SAMD13: variants seen among roughly 807,000 people sequenced by gnomAD.
SAMD13 encodes sterile alpha motif domain containing 13.
SAMD13 carries 9 observed loss-of-function variants against 12.4 expected under a neutral mutation model. The ratio of observed to expected loss-of-function variants is 0.72; its 90% CI spans 0.44 to 1.26. SAMD13 has a LOEUF of 1.26. Ranked by LOEUF, SAMD13 falls within the 50% of genes most tolerant of loss-of-function variation. SAMD13 has a pLI of 0.00. For missense variants in SAMD13, 84 were observed against 119.6 expected (o/e 0.70, Z 1.39); for synonymous variants, 46 against 45.4 (o/e 1.01, Z -0.05).
At chr1:84,304,754 G>A (rs1375238155) in intron 2 of SAMD13, among the ~76,000 whole-genome samples, 1 of 151,844 alleles carries the variant, frequency 6.6e-6, no homozygotes, top group Admixed American at 6.6e-5. Context: ...AAATGAATGT[G>A]TATACATCCC....
At chr1:84,303,147 T>TA in intron 1 of SAMD13, 56 bp from the exon 2 acceptor site, 1 of 1,299,280 alleles carries the variant, frequency 7.7e-7, no homozygotes, top group Non-Finnish European at 1.1e-6. Context: ...TCAGAATATA[T>TA]ATTCTTCTCT....
rs113477039 is a variant in SAMD13, at chr1:84,342,888, G to A, written c.166-6743G>A. Among the ~76,000 whole-genome samples, 884 of 152,172 alleles carry A rather than the reference G, an allele frequency of 5.8e-3. 5 individuals are homozygous for A. Among genetic ancestry groups the A allele is most frequent in the African/African-American group, 0.019 (807 of 41,524 alleles). Reference sequence around the variant, plus strand: ...AATTAAACAAAAGAGCTTCTGTACCGCAAAAGAAACTATCATCAGAGTGAA... The same window carrying A: ...AATTAAACAAAAGAGCTTCTGTACCACAAAAGAAACTATCATCAGAGTGAA... On this transcript the variant is annotated intron_variant, in intron 3 of 3. Transcript: ENST00000394834.
chr1:84,331,326 G>A (rs1679176605), intron 3 of SAMD13, among the ~76,000 whole-genome samples: 1 of 3,450 alleles, frequency 2.9e-4, no homozygotes, highest in Non-Finnish European at 2.3e-3. Context: ...AGCCCTCCTT[G>A]GTAAAAAAAA....
chr1:84,346,468 C>G (rs1204149120), intron 3 of SAMD13, among the ~76,000 whole-genome samples: 1 of 152,216 alleles, frequency 6.6e-6, no homozygotes, highest in Admixed American at 6.5e-5. Context: ...AGTTAACACA[C>G]AATTCCCAAG....
chr1:84,320,050 A>G (rs1678907911), intron 2 of SAMD13, among the ~76,000 whole-genome samples: 1 of 152,206 alleles, frequency 6.6e-6, no homozygotes, highest in African/African-American at 2.4e-5. Flanking sequence ...AACAAACATC[A>G]TGACCTTCTT....
At chr1:84,344,840 G>T (rs1331526273) in intron 3 of SAMD13, 12 of 455,250 alleles carry the variant, frequency 2.6e-5, no homozygotes, top group Non-Finnish European at 5.3e-5. Flanking sequence ...AGGCCTATGA[G>T]GTCTTGTCTG....
At chr1:84,302,548 A>G (rs1303712283) in intron 1 of SAMD13, 2 of 249,090 alleles carry the variant, frequency 8.0e-6, no homozygotes, top group Non-Finnish European at 1.1e-5. Flanking sequence ...ACATACACAC[A>G]CACACACACA....
chr1:84,332,998 T>C (rs1679223710), intron 3 of SAMD13, among the ~76,000 whole-genome samples: 1 of 152,228 alleles, frequency 6.6e-6, no homozygotes, highest in East Asian at 1.9e-4. Flanking sequence ...CCTTTCCCCA[T>C]CACTTGTTTT....
At chr1:84,311,579 C>T (rs762198144) in intron 2 of SAMD13, among the ~76,000 whole-genome samples, 2 of 152,096 alleles carry the variant, frequency 1.3e-5, no homozygotes, top group African/African-American at 2.4e-5. Context: ...CTGAACAATT[C>T]AACAGTAGTA....
chr1:84,342,900 A>G (rs1328067543), intron 3 of SAMD13, among the ~76,000 whole-genome samples: 1 of 152,224 alleles, frequency 6.6e-6, no homozygotes, highest in Non-Finnish European at 1.5e-5. Flanking sequence ...AAAAGAAACT[A>G]TCATCAGAGT....
chr1:84,349,679 A>G lies in SAMD13; in HGVS notation c.214A>G (p.Thr72Ala), dbSNP rs778819072. Residue 72 changes from threonine to alanine, a missense_variant, in exon 4 of 4, where the codon ACA becomes GCA. Physicochemically the swap from Thr to Ala is moderately conservative, Grantham distance 58 (BLOSUM62 0). Transcript: ENST00000394834. ...ATTGATGACAAGAAATGATGTGTTG[A>G]CAGGACTTCAGTTAAAATTGGGGCC... ...LLLMTRNDVL[T>A]GLQLKLGPAL... 6.2e-7 allele frequency: 1 copy of G among 1,613,946 alleles called. No homozygotes were observed. The highest frequency in any genetic ancestry group is 2.2e-5 in the East Asian group (1 of 44,854).
At position 84,338,524 on chromosome 1, in the gene SAMD13, G is replaced by A. The variant is rs1679352781; in HGVS notation, c.166-11107G>A. ...GTGCTCTCAGCTCACTCCAACCTCT[G>A]CCTCCCGGGTTCAAGTGATTCCCCT... On this transcript the variant is annotated intron_variant, in intron 3 of 3. Coordinates refer to ENST00000394834, the MANE Select transcript of SAMD13 (RefSeq NM_001134663.2). Among the ~76,000 whole-genome samples, 4 of 144,714 alleles carry A rather than the reference G, an allele frequency of 2.8e-5. No homozygotes were observed. The Admixed American group carries it at 2.9e-4, about 11-fold the overall frequency. 94.9% of individuals were successfully genotyped at this position (144,714 alleles called of 152,430 possible).
chr1:84,313,066 T>C (rs985511160), intron 2 of SAMD13, among the ~76,000 whole-genome samples: 1 of 152,166 alleles, frequency 6.6e-6, no homozygotes, highest in Non-Finnish European at 1.5e-5. Context: ...AATAGCTACC[T>C]AAATAACTAA....
intron 2 of SAMD13, among the ~76,000 whole-genome samples, chr1:84,319,434 C>A (rs1359327833): frequency 6.6e-6 from 1 of 151,784 alleles, no homozygotes; most frequent in East Asian, 1.9e-4. Context: ...CCACCCTGGC[C>A]AACATGGCGA....
chr1:84,317,386 C>G (rs905083654), intron 2 of SAMD13, among the ~76,000 whole-genome samples: 1 of 151,934 alleles, frequency 6.6e-6, no homozygotes, highest in African/African-American at 2.4e-5. Flanking sequence ...TCCCTCTATC[C>G]CTACTTTGTT....
At chr1:84,338,682 C>A (rs1679355598) in intron 3 of SAMD13, among the ~76,000 whole-genome samples, 2 of 152,226 alleles carry the variant, frequency 1.3e-5, no homozygotes, top group Non-Finnish European at 2.9e-5. Flanking sequence ...AGGTGAGCCA[C>A]CTGCCTCGGC....
intron 2 of SAMD13, among the ~76,000 whole-genome samples, chr1:84,315,207 A>G (rs978770101): frequency 1.3e-5 from 2 of 152,116 alleles, no homozygotes; most frequent in Non-Finnish European, 2.9e-5. Context: ...TCCATCTTCC[A>G]GGCAGAAATT....
chr1:84,334,692 C>T (rs561191170), intron 3 of SAMD13, among the ~76,000 whole-genome samples: 2 of 152,104 alleles, frequency 1.3e-5, no homozygotes, highest in Non-Finnish European at 2.9e-5. Context: ...GATGTGGGCA[C>T]TTAGCAGTAT....
chr1:84,342,887 C>T (rs528180735), intron 3 of SAMD13, among the ~76,000 whole-genome samples: 8 of 150,848 alleles, frequency 5.3e-5, no homozygotes, highest in African/African-American at 1.2e-4. Flanking sequence ...GCTTCTGTAC[C>T]GCAAAAGAAA....
Sources: allele counts gnomAD v4.1 joint callset (sites outside exome capture counted in the v4.1 genomes callset), GRCh38; gene constraint gnomAD v4.1.1; transcripts MANE v1.5; gene names NCBI Gene and HGNC (gene_info 2026-07-23, HGNC 2026-07-21).